ABL1: variants seen among roughly 807,000 people sequenced by gnomAD.
The protein encoded by ABL1 is tyrosine-protein kinase ABL1.
Under a neutral mutation model 94.7 loss-of-function variants are expected in ABL1, and 11 were observed. The observed-to-expected ratio is 0.12, with a 90% CI of 0.07 to 0.19. The LOEUF is 0.19. Ranked by LOEUF, ABL1 falls within the 10% of genes least tolerant of loss-of-function variation. The pLI, the probability that ABL1 is intolerant of heterozygous loss-of-function variation, is 1.00. For synonymous variants in ABL1, 656 were observed against 622.4 expected, an observed-to-expected ratio of 1.05 and a Z score of -0.80; for missense variants, 1,082 against 1,489.4, an observed-to-expected ratio of 0.73 and a Z score of 4.50.
chr9:130,838,977 A>G (rs1830628921), intron 1 of ABL1, among the ~76,000 whole-genome samples: 1 of 152,066 alleles, frequency 6.6e-6, no homozygotes, highest in African/African-American at 2.4e-5. Context: ...TGGCACAATC[A>G]CAGCTCACTG....
At chr9:130,797,090 G>A (rs1829984748) in intron 1 of ABL1, among the ~76,000 whole-genome samples, 1 of 149,684 alleles carries the variant, frequency 6.7e-6, no homozygotes, top group Admixed American at 6.7e-5. Flanking sequence ...ACAAAAATTA[G>A]CCAGGCACGG....
At position 130,887,396 on chromosome 9, in the gene ABL1, G is replaced by A. The variant is rs35540520; in HGVS notation, c.*1713G>A. The A allele has an allele frequency of 5.7e-4, 134 of 233,376 alleles. No individual in the cohort carries two copies. Among genetic ancestry groups the A allele is most frequent in the African/African-American group, 2.9e-3 (130 of 45,458 alleles). The allele number at this position is 233,376 out of a possible 1,614,324, so 14.5% of individuals were successfully genotyped here. Reference sequence around the variant, plus strand: ...AGCAAAGCGCCCACCCAGGTCCCCCGACTGCCTGTCTCCATGAGGTACTGG... The same window carrying A: ...AGCAAAGCGCCCACCCAGGTCCCCCAACTGCCTGTCTCCATGAGGTACTGG... On this transcript the variant is annotated 3_prime_UTR_variant, in exon 11 of 11. Coordinates refer to ENST00000318560, the MANE Select transcript of ABL1 (RefSeq NM_005157.6).
At chr9:130,871,635 C>G (rs1488779140) in intron 4 of ABL1, among the ~76,000 whole-genome samples, 1 of 152,222 alleles carries the variant, frequency 6.6e-6, no homozygotes, top group African/African-American at 2.4e-5. Context: ...CATCGTTCTT[C>G]TTTGTGATGC....
chr9:130,880,050 TG>T lies in ABL1; in HGVS notation c.1424-15del, dbSNP rs747726002. ...GCCAGATCTCATGGATGATCTGACT[TG>T]GGTTTCATCTGTCCAGGTTGGCAGT... On this transcript the variant is annotated splice_polypyrimidine_tract_variant and intron_variant, in intron 8 of 10. Coordinates refer to ENST00000318560, the MANE Select transcript of ABL1 (RefSeq NM_005157.6). This position sits in a 1 kb window ranked among gnomAD's most constrained non-coding sequence, Gnocchi z 4.4. 2 of 1,612,504 alleles carry T rather than the reference TG, an allele frequency of 1.2e-6. No individual in the cohort carries two copies. The highest frequency in any genetic ancestry group is 4.5e-5 in the East Asian group (2 of 44,880).
chr9:130,860,792 G>C (rs1831057652), intron 3 of ABL1, among the ~76,000 whole-genome samples: 1 of 152,188 alleles, frequency 6.6e-6, no homozygotes. Flanking sequence ...ACAGGGGTTG[G>C]AGCACTTGCC....
At chr9:130,868,365 T>C (rs538715701) in intron 4 of ABL1, among the ~76,000 whole-genome samples, 7 of 152,258 alleles carry the variant, frequency 4.6e-5, no homozygotes, top group African/African-American at 1.7e-4. Flanking sequence ...GTAACCTCTC[T>C]CACCTAGCAT....
intron 1 of ABL1, 138 bp from the exon 2 acceptor site, chr9:130,853,926 A>G (rs546943543): frequency 1.2e-6 from 1 of 832,760 alleles, no homozygotes; most frequent in Non-Finnish European, 1.8e-6. Flanking sequence ...TGATAATAGT[A>G]TGTACAGATG....
At chr9:130,824,605 T>A (rs1403266555) in intron 1 of ABL1, among the ~76,000 whole-genome samples, 1 of 152,198 alleles carries the variant, frequency 6.6e-6, no homozygotes, top group Non-Finnish European at 1.5e-5. Context: ...TTGGTGTTGC[T>A]GTAAAGAATA....
intron 3 of ABL1, among the ~76,000 whole-genome samples, chr9:130,861,043 T>G (rs986082843): frequency 1.3e-5 from 2 of 152,130 alleles, no homozygotes; most frequent in Non-Finnish European, 2.9e-5. Flanking sequence ...TGACTCATGG[T>G]GTGTGTCCCT....
rs765425928 is a variant in ABL1 at position 130,880,533 on chromosome 9, G to A, written c.1547G>A (p.Arg516His). 10 of 1,613,816 alleles carry A rather than the reference G, an allele frequency of 6.2e-6. No homozygotes were observed. The highest frequency in any genetic ancestry group is 1.7e-5 in the Admixed American group (1 of 59,964). Reference sequence around the variant, plus strand: ...AAGGAGCTGGGGAAACAAGGCGTCCGTGGGGCTGTGAGTACCTTGCTGCAG... The same window carrying A: ...AAGGAGCTGGGGAAACAAGGCGTCCATGGGGCTGTGAGTACCTTGCTGCAG... ...VEKELGKQGV[R>H]GAVSTLLQAP... The change falls in exon 10 of 11, where the codon CGT becomes CAT. Residue 516 changes from arginine (R) to histidine (H), a missense_variant. Around this residue, in one of 7 missense-constraint regions of ABL1, gnomAD observed 780 missense variants for 835.8 expected, o/e 0.93. Transcript: ENST00000318560. This position sits in a 1 kb window ranked among gnomAD's most constrained non-coding sequence, Gnocchi z 4.4.
chr9:130,774,987 A>G (rs1832295078), intron 1 of ABL1, among the ~76,000 whole-genome samples: 1 of 152,224 alleles, frequency 6.6e-6, no homozygotes, highest in Admixed American at 6.5e-5. Context: ...AAACCTCCCG[A>G]GATAACTTTT....
At chr9:130,720,896 C>T (rs1043060071) in intron 1 of ABL1, among the ~76,000 whole-genome samples, 2 of 151,756 alleles carry the variant, frequency 1.3e-5, no homozygotes, top group African/African-American at 4.8e-5. Flanking sequence ...AACTGAATAA[C>T]TGGAAGAATA....
chr9:130,772,669 T>A (rs1832266599), intron 1 of ABL1, among the ~76,000 whole-genome samples: 1 of 151,890 alleles, frequency 6.6e-6, no homozygotes, highest in Non-Finnish European at 1.5e-5. Flanking sequence ...AAGAGGAAAG[T>A]GTACAGGCAG....
At chr9:130,782,745 A>G (rs1339554670) in intron 1 of ABL1, among the ~76,000 whole-genome samples, 1 of 152,164 alleles carries the variant, frequency 6.6e-6, no homozygotes, top group African/African-American at 2.4e-5. Context: ...TGTCCTTGCT[A>G]AGATGCTGCA....
At chr9:130,822,612 GC>G (rs1830376266) in intron 1 of ABL1, among the ~76,000 whole-genome samples, 1 of 151,894 alleles carries the variant, frequency 6.6e-6, no homozygotes, top group South Asian at 2.1e-4. Context: ...GTGTGAAGCA[GC>G]ATCTCGTGAT....
At chr9:130,719,411 C>T (rs1831487659) in intron 1 of ABL1, among the ~76,000 whole-genome samples, 1 of 152,034 alleles carries the variant, frequency 6.6e-6, no homozygotes, top group South Asian at 2.1e-4. Context: ...TGCCTGTAGT[C>T]CCAGCTACTC....
At chr9:130,782,357 G>A (rs543614708) in intron 1 of ABL1, among the ~76,000 whole-genome samples, 74 of 152,270 alleles carry the variant, frequency 4.9e-4, no homozygotes, top group African/African-American at 1.7e-3. Flanking sequence ...CACTGTACCT[G>A]GCCGATATTT....
intron 1 of ABL1, among the ~76,000 whole-genome samples, chr9:130,809,001 C>G (rs1158825671): frequency 6.6e-6 from 1 of 152,130 alleles, no homozygotes; most frequent in East Asian, 1.9e-4. Context: ...GTTTCCAGAC[C>G]GCGGTGCGGG....
intron 1 of ABL1, among the ~76,000 whole-genome samples, chr9:130,793,483 A>AGT (rs1432192632): frequency 2.6e-5 from 4 of 152,106 alleles, no homozygotes; most frequent in Non-Finnish European, 5.9e-5. Flanking sequence ...CATTCTTCAC[A>AGT]CTTTTGATAT....
Sources: allele counts gnomAD v4.1 joint callset (sites outside exome capture counted in the v4.1 genomes callset), GRCh38; gene constraint gnomAD v4.1.1; regional missense constraint gnomAD v4.1.1; non-coding constraint Gnocchi (gnomAD v3.1); transcripts MANE v1.5; gene names NCBI Gene and HGNC (gene_info 2026-07-23, HGNC 2026-07-21).